The following RTL9 variants were observed in gnomAD, a reference collection of about 807,000 sequenced individuals.
The protein encoded by RTL9 is retrotransposon Gag like 9.
RTL9 carries 19 observed loss-of-function variants against 44.7 expected under a neutral mutation model. That is an observed-to-expected ratio of 0.42 (90% confidence interval 0.30 to 0.62). The LOEUF is 0.62. Ranked by LOEUF, RTL9 falls within the 20% of genes least tolerant of loss-of-function variation. The probability of loss-of-function intolerance (pLI) is 0.16; values close to 1 mark genes in which losing one functional copy is unlikely to be tolerated. For synonymous variants in RTL9, 407 were observed against 398.9 expected, an observed-to-expected ratio of 1.02 and a Z score of -0.24; for missense variants, 1,105 against 1,080.6, an observed-to-expected ratio of 1.02 and a Z score of -0.32.
intron 1 of RTL9, among the ~76,000 whole-genome samples, chrX:110,406,058 C>T (rs193189755): frequency 8.0e-4 from 89 of 110,892 alleles, no homozygotes; most frequent in African/African-American, 2.8e-3. Context: ...TCTCCACCTC[C>T]ACCCCCGACT....
chrX:110,387,006 T>C (rs1309670139), intron 1 of RTL9, among the ~76,000 whole-genome samples: 2 of 112,437 alleles, frequency 1.8e-5, no homozygotes, highest in Non-Finnish European at 3.8e-5. Context: ...AAAGAATTGC[T>C]ATGGGAACTC....
chrX:110,404,079 G>T (rs2068582156), intron 1 of RTL9, among the ~76,000 whole-genome samples: 1 of 112,560 alleles, frequency 8.9e-6, no homozygotes, highest in African/African-American at 3.2e-5. Context: ...CCGGAGACTT[G>T]TTGTCATGTT....
chrX:110,429,447 A>G (rs1250790587), intron 1 of RTL9, among the ~76,000 whole-genome samples: 2 of 104,654 alleles, frequency 1.9e-5, no homozygotes, highest in Non-Finnish European at 3.8e-5. Context: ...GATGATACTT[A>G]GAGAAAAAGT....
intron 1 of RTL9, among the ~76,000 whole-genome samples, chrX:110,435,737 T>G (rs2068834423): frequency 8.9e-6 from 1 of 111,887 alleles, no homozygotes; most frequent in Non-Finnish European, 1.9e-5. Flanking sequence ...CAATAATAGT[T>G]CTGAACATTT....
chrX:110,381,447 A>T (rs1365771454), intron 1 of RTL9, among the ~76,000 whole-genome samples: 1 of 112,026 alleles, frequency 8.9e-6, no homozygotes, highest in African/African-American at 3.2e-5. Flanking sequence ...GGTTGCAGTG[A>T]AAAGGGAATG....
upstream of RTL9, among the ~76,000 whole-genome samples, chrX:110,414,879 A>G (rs1377168119): frequency 8.9e-6 from 1 of 112,139 alleles, no homozygotes; most frequent in East Asian, 2.8e-4. Context: ...CACTGCATCC[A>G]CTACCACTTG....
At chrX:110,434,388 CA>C (rs2068820414) in intron 1 of RTL9, among the ~76,000 whole-genome samples, 1 of 111,425 alleles carries the variant, frequency 9.0e-6, no homozygotes, top group Admixed American at 9.5e-5. Flanking sequence ...GAAGAGAGGC[CA>C]GCTGCATGCG....
intron 1 of RTL9, among the ~76,000 whole-genome samples, chrX:110,378,249 T>C (rs1051090657): frequency 2.7e-5 from 3 of 111,173 alleles, no homozygotes; most frequent in African/African-American, 6.6e-5. Context: ...GTTCATTGAA[T>C]AATTGCTTAT....
rs765205278 is a variant in RTL9, at chrX:110,429,217, G to C, written c.-168+10082G>C. On this transcript the variant is annotated intron_variant, in intron 1 of 3. Transcript: ENST00000465301. ...CTGTCTACTGAATTTTAAGCTTCTTGAGGGCAAGGACTCTATTTTGTTCAT... is the reference window on the plus strand; with the variant it reads ...CTGTCTACTGAATTTTAAGCTTCTTCAGGGCAAGGACTCTATTTTGTTCAT... Among the ~76,000 whole-genome samples the C allele has an allele frequency of 9.9e-5, 11 of 110,964 alleles. No homozygotes were observed. The South Asian group carries it at 3.8e-3, about 38-fold the overall frequency.
chrX:110,419,040 C>T (rs1198777499), upstream of RTL9: 3 of 111,564 alleles, frequency 2.7e-5, no homozygotes, highest in Admixed American at 2.8e-4. Context: ...GGTGGGAAAT[C>T]TCAGTCCGAT....
intron 1 of RTL9, among the ~76,000 whole-genome samples, chrX:110,364,813 G>A (rs1026789929): frequency 1.8e-5 from 2 of 112,055 alleles, no homozygotes; most frequent in Non-Finnish European, 3.8e-5. Flanking sequence ...ACCGAAGAAT[G>A]TCTAATCATC....
intron 1 of RTL9, among the ~76,000 whole-genome samples, chrX:110,429,454 A>G (rs1210042536): frequency 1.0e-5 from 1 of 99,392 alleles, no homozygotes; most frequent in Non-Finnish European, 1.9e-5. Flanking sequence ...CTTAGAGAAA[A>G]AGTGTTTTTT....
At chrX:110,452,366 A>T in exon 1 of RTL9, 1 of 1,211,855 alleles carries the variant, frequency 8.3e-7, no homozygotes, top group Non-Finnish European at 1.1e-6. Flanking sequence ...TGACAGCCCA[A>T]ACCTCTGGAT....
At chrX:110,453,200 A>T in exon 1 of RTL9, 3 of 1,211,883 alleles carry the variant, frequency 2.5e-6, no homozygotes, top group Non-Finnish European at 3.4e-6. Context: ...TGTCCATGCC[A>T]CTGATGAGAG....
intron 1 of RTL9, among the ~76,000 whole-genome samples, chrX:110,401,023 G>A (rs73542210): frequency 0.028 from 3,180 of 112,201 alleles, 112 homozygotes; most frequent in African/African-American, 0.097. Flanking sequence ...CAGACATTGT[G>A]CTGAACCATT....
At chrX:110,397,713 A>T (rs757747251) in intron 1 of RTL9, among the ~76,000 whole-genome samples, 3 of 111,304 alleles carry the variant, frequency 2.7e-5, no homozygotes, top group Non-Finnish European at 5.7e-5. Context: ...GGCCAAACCC[A>T]TCAGAGCCTG....
intron 1 of RTL9, among the ~76,000 whole-genome samples, chrX:110,380,696 A>G (rs1483217503): frequency 8.9e-6 from 1 of 112,689 alleles, no homozygotes; most frequent in Non-Finnish European, 1.9e-5. Context: ...TTCAAACTAT[A>G]CTACAAGGCT....
chrX:110,424,883 A>C (rs1267146232), intron 1 of RTL9, among the ~76,000 whole-genome samples: 1 of 111,803 alleles, frequency 8.9e-6, no homozygotes, highest in Non-Finnish European at 1.9e-5. Context: ...AATAATAGTC[A>C]TAGTCACCAT....
intron 1 of RTL9, among the ~76,000 whole-genome samples, chrX:110,364,656 T>A (rs932103545): frequency 4.5e-5 from 5 of 111,621 alleles, no homozygotes; most frequent in African/African-American, 1.6e-4. Flanking sequence ...AAAAATTGAG[T>A]TTTGGAACCT....
Sources: gnomAD v4.1 joint callset for allele counts (sites outside exome capture counted in the v4.1 genomes callset) on GRCh38, gnomAD v4.1.1 for gene constraint, MANE v1.5 for transcripts, NCBI Gene and HGNC (gene_info 2026-07-23, HGNC 2026-07-21) for gene names.